Variants in GATA6 observed in about 807,000 individuals in gnomAD.
GATA6 encodes GATA binding protein 6.
A neutral mutation model predicts 48.1 loss-of-function variants in GATA6; 11 were observed. That is an observed-to-expected ratio of 0.23 (90% confidence interval 0.14 to 0.38). The LOEUF (loss-of-function observed/expected upper bound fraction) is 0.38, where lower values mean the gene tolerates loss of function less well. GATA6 is among the 10% of genes least tolerant of loss of function. GATA6 has a pLI of 1.00. For missense variants in GATA6, 795 were observed against 850.3 expected, an observed-to-expected ratio of 0.93 and a Z score of 0.81; for synonymous variants, 419 against 396.1, an observed-to-expected ratio of 1.06 and a Z score of -0.69.
chr18:22,199,503 GT>G (rs2033429593), intron 6 of GATA6, among the ~76,000 whole-genome samples: 1 of 152,186 alleles, frequency 6.6e-6, no homozygotes, highest in African/African-American at 2.4e-5. Flanking sequence ...ACAGATTTTA[GT>G]TATTTTGGTT....
intron 6 of GATA6, 44 bp from the exon 7 acceptor site, chr18:22,200,612 T>C (rs531520362): frequency 1.2e-6 from 2 of 1,613,268 alleles, no homozygotes; most frequent in East Asian, 2.2e-5. Flanking sequence ...TTGTAACCGC[T>C]TCTCACCTTC....
chr18:22,190,943 G>C (rs1007968177), intron 6 of GATA6, among the ~76,000 whole-genome samples: 1 of 151,644 alleles, frequency 6.6e-6, no homozygotes, highest in African/African-American at 2.4e-5. Flanking sequence ...CGTCACCCCG[G>C]CAGGGAATGT....
At position 22,188,395 on chromosome 18, in the gene GATA6, G is replaced by A. The variant is rs377023308; in HGVS notation, c.1620+5352G>A. On this transcript the variant is annotated intron_variant, in intron 6 of 6. Transcript: ENST00000269216. ...GTTGGAGATGGCTCCGCAGAGTAGA[G>A]GAAATTAAAATTAGTTAGGATTTTT... is the stretch of plus-strand genomic sequence containing the variant. Among the ~76,000 whole-genome samples, 7 of 152,246 alleles carry A rather than the reference G, an allele frequency of 4.6e-5. No individual in the cohort carries two copies. In the East Asian group the frequency reaches 1.2e-3, roughly 25 times the overall value.
intron 6 of GATA6, among the ~76,000 whole-genome samples, chr18:22,194,070 GAA>G (rs113879738): frequency 4.1e-4 from 58 of 141,186 alleles, no homozygotes; most frequent in African/African-American, 9.9e-4. Context: ...CTCCTCACAG[GAA>G]AAAAAAAAAA....
chr18:22,189,942 T>C (rs2033307397), intron 6 of GATA6, among the ~76,000 whole-genome samples: 2 of 152,310 alleles, frequency 1.3e-5, no homozygotes, highest in Non-Finnish European at 1.5e-5. Flanking sequence ...ACGTGTCAAA[T>C]TGAGACGCGT....
intron 6 of GATA6, among the ~76,000 whole-genome samples, chr18:22,188,706 G>A (rs570859566): frequency 1.3e-5 from 2 of 152,278 alleles, no homozygotes; most frequent in South Asian, 4.1e-4. Flanking sequence ...TTTGATAATT[G>A]ATGTAAACAA....
Position 22,185,687 on chromosome 18 carries a change from T to C in GATA6, c.1620+2644T>C, listed in dbSNP as rs2033254127. Among the ~76,000 whole-genome samples the C allele has an allele frequency of 6.6e-6, 1 of 152,244 alleles. No individual in the cohort carries two copies. Among genetic ancestry groups the C allele is most frequent in the Non-Finnish European group, 1.5e-5 (1 of 68,038 alleles). The stretch of plus-strand genomic sequence containing the variant: ...GTGGCCATTGTGGGGAAACAGCTAC[T>C]CGTCTGCTGGCTGCCTTTGGAAGCT... On this transcript the variant is annotated intron_variant, in intron 6 of 6. Transcript: ENST00000269216. This position sits in a 1 kb window ranked among gnomAD's most constrained non-coding sequence, Gnocchi z 4.3.
rs762445989 is a variant in GATA6 at position 22,171,273 on chromosome 18, C to G, written c.129C>G (p.Ser43=). ...STPPSPISSS[S]SSCSRGGERG... is the part of the protein sequence containing the mutation. ...CGCCTTCCCCCATCTCTTCCTCGTC[C>G]TCCTCCTGCTCCCGGGGCGGAGAGC... Residue 43 remains serine (S), a synonymous_variant, in exon 2 of 7, where the codon TCC becomes TCG. Coordinates refer to ENST00000269216, the MANE Select transcript of GATA6 (RefSeq NM_005257.6). This position sits in a 1 kb window ranked among gnomAD's most constrained non-coding sequence, Gnocchi z 7.1. 3.1e-6 allele frequency: 5 copies of G among 1,595,560 alleles called. No homozygotes were observed. In the East Asian group the frequency reaches 8.9e-5, roughly 29 times the overall value.
chr18:22,172,390 T>G lies in GATA6; in HGVS notation c.1135+111T>G, dbSNP rs1598734564. The G allele has an allele frequency of 6.9e-7, 1 of 1,455,932 alleles. No individual in the cohort carries two copies. The highest frequency in any genetic ancestry group is 1.4e-5 in the African/African-American group (1 of 70,250). 90.2% of individuals were successfully genotyped at this position (1,455,932 alleles called of 1,614,324 possible). ...TGTTTTCAGGACTTTCTCGTCCGGGTGCGCGGAGGTCGGCCTGGTCCCAGG... is the reference window on the plus strand; with the variant it reads ...TGTTTTCAGGACTTTCTCGTCCGGGGGCGCGGAGGTCGGCCTGGTCCCAGG... On this transcript the variant is annotated intron_variant, in intron 2 of 6. Coordinates refer to ENST00000269216, the MANE Select transcript of GATA6 (RefSeq NM_005257.6). The surrounding 1 kb of genome is among the most constrained non-coding windows in gnomAD (Gnocchi z 5.2).
chr18:22,170,333 G>T lies in GATA6; in HGVS notation c.-38+651G>T, dbSNP rs541672744. Among the ~76,000 whole-genome samples, 947 of 152,346 alleles carry T rather than the reference G, an allele frequency of 6.2e-3. 3 individuals are homozygous for T. Among genetic ancestry groups the T allele is most frequent in the Admixed American group, 0.011 (168 of 15,308 alleles). ...GCCGGCGTGAGCGCGCACGCTGGTG[G>T]CTGCAGGCGCGGGCCGTGTCTAAGG... On this transcript the variant is annotated intron_variant, in intron 1 of 6. Transcript: ENST00000269216. The surrounding 1 kb of genome is among the most constrained non-coding windows in gnomAD (Gnocchi z 6.7).
Position 22,181,440 on chromosome 18 carries a change from G to A in GATA6, c.1303-13G>A, listed in dbSNP as rs776570347. The A allele has an allele frequency of 2.5e-6, 4 of 1,613,876 alleles. No individual in the cohort carries two copies. The highest frequency in any genetic ancestry group is 3.4e-6 in the Non-Finnish European group (4 of 1,179,882). On this transcript the variant is annotated splice_polypyrimidine_tract_variant and intron_variant, in intron 3 of 6. Coordinates refer to ENST00000269216, the MANE Select transcript of GATA6 (RefSeq NM_005257.6). ...CTTATATTTTTCCACTTATGTTCTTGTACTGTTTCTAGCCTTCATCACGGC... is the reference window on the plus strand; with the variant it reads ...CTTATATTTTTCCACTTATGTTCTTATACTGTTTCTAGCCTTCATCACGGC...
At chr18:22,199,913 A>AAG in intron 6 of GATA6, among the ~76,000 whole-genome samples, 1 of 151,708 alleles carries the variant, frequency 6.6e-6, no homozygotes, top group East Asian at 1.9e-4. Context: ...AAAAAAAAAA[A>AAG]AAAAAAAAAA....
chr18:22,178,536 T>G (rs1394192931), intron 3 of GATA6, among the ~76,000 whole-genome samples: 1 of 152,258 alleles, frequency 6.6e-6, no homozygotes, highest in Non-Finnish European at 1.5e-5. Context: ...GAACAAATGC[T>G]ACACATGTTG....
intron 3 of GATA6, among the ~76,000 whole-genome samples, chr18:22,178,860 T>C (rs907624173): frequency 8.5e-5 from 13 of 152,314 alleles, no homozygotes; most frequent in Admixed American, 8.5e-4. Context: ...AGACAACACA[T>C]GAACAATGAA....
chr18:22,171,768 G>A lies in GATA6; in HGVS notation c.624G>A (p.Ser208=), dbSNP rs1314979555. 2.2e-6 allele frequency: 3 copies of A among 1,372,924 alleles called. No homozygotes were observed. The highest frequency in any genetic ancestry group is 1.9e-6 in the Non-Finnish European group (2 of 1,073,754). 85.0% of individuals were successfully genotyped at this position (1,372,924 alleles called of 1,614,324 possible). ...GCCTACCGTACCACCTGCAGGGGTC[G>A]GGCAGTGGGCCAGCCAACCACGCGG... is the stretch of plus-strand genomic sequence containing the variant. ...LPGLPYHLQG[S]GSGPANHAGG... The change falls in exon 2 of 7, where the codon TCG becomes TCA. Residue 208 remains serine, a synonymous_variant. Transcript: ENST00000269216. This position sits in a 1 kb window ranked among gnomAD's most constrained non-coding sequence, Gnocchi z 7.1.
chr18:22,191,032 CGTGTGT>C (rs57925913), intron 6 of GATA6, among the ~76,000 whole-genome samples: 2,720 of 121,162 alleles, frequency 0.022, 38 homozygotes, highest in Non-Finnish European at 0.025. Flanking sequence ...TTTTAAATCT[CGTGTGT>C]GTGTGTGTGT....
intron 6 of GATA6, among the ~76,000 whole-genome samples, chr18:22,198,857 T>C (rs767029644): frequency 1.3e-5 from 2 of 152,232 alleles, no homozygotes; most frequent in Non-Finnish European, 2.9e-5. Flanking sequence ...TTTAGACATC[T>C]CACTGATTTT....
chr18:22,176,579 C>G (rs1457437120), intron 2 of GATA6: 1 of 176,740 alleles, frequency 5.7e-6, no homozygotes, highest in Admixed American at 6.4e-5. Flanking sequence ...GGTTTGGCAA[C>G]GACGTACTGT....
chr18:22,183,316 T>C (rs138680096), intron 6 of GATA6, among the ~76,000 whole-genome samples: 1 of 152,214 alleles, frequency 6.6e-6, no homozygotes, highest in East Asian at 1.9e-4. Flanking sequence ...TAAAGTGTTT[T>C]AAATTGTTTT....
Sources: allele counts gnomAD v4.1 joint callset (sites outside exome capture counted in the v4.1 genomes callset), GRCh38; gene constraint gnomAD v4.1.1; non-coding constraint Gnocchi (gnomAD v3.1); transcripts MANE v1.5; gene names NCBI Gene and HGNC (gene_info 2026-07-23, HGNC 2026-07-21).